The following NOX4 variants were observed in gnomAD, a reference collection of about 807,000 sequenced individuals.
NOX4 encodes NADPH oxidase 4, also known as kidney oxidase-1.
NOX4 carries 69 observed loss-of-function variants against 87.6 expected under a neutral mutation model. The ratio of observed to expected loss-of-function variants is 0.79; its 90% confidence interval spans 0.65 to 0.96. The LOEUF (loss-of-function observed/expected upper bound fraction) is 0.96, where lower values mean the gene tolerates loss of function less well. Among genes scored for constraint, NOX4 ranks in the 40% least tolerant of loss-of-function variants. The pLI is 0.00. For synonymous variants in NOX4, 275 were observed against 238.2 expected (o/e 1.15, Z -1.42); for missense variants, 680 against 681.5 (o/e 1.00, Z 0.02).
intron 11 of NOX4, among the ~76,000 whole-genome samples, chr11:89,374,203 C>A (rs1939666893): frequency 6.6e-6 from 1 of 152,006 alleles, no homozygotes; most frequent in South Asian, 2.1e-4. Flanking sequence ...CCCTCGATTC[C>A]AAAATTTGAA....
chr11:89,339,926 C>T (rs1346927468), intron 15 of NOX4, 137 bp downstream of exon 15: 1 of 479,614 alleles, frequency 2.1e-6, no homozygotes, highest in East Asian at 3.5e-5. Flanking sequence ...GTTTAAGAGA[C>T]TTATTTCTTT....
chr11:89,362,918 T>C (rs897161199), intron 12 of NOX4, among the ~76,000 whole-genome samples: 1 of 152,110 alleles, frequency 6.6e-6, no homozygotes, highest in Non-Finnish European at 1.5e-5. Flanking sequence ...TGTGAACACC[T>C]AAAATAAGTA....
At chr11:89,350,070 CTG>C (rs1442125980) in intron 13 of NOX4, among the ~76,000 whole-genome samples, 1 of 152,140 alleles carries the variant, frequency 6.6e-6, no homozygotes, top group East Asian at 1.9e-4. Flanking sequence ...TTCCACTCAT[CTG>C]TCTCTTTCTG....
intron 8 of NOX4, among the ~76,000 whole-genome samples, chr11:89,413,123 C>T (rs894920530): frequency 7.2e-5 from 11 of 152,002 alleles, no homozygotes; most frequent in Admixed American, 2.0e-4. Context: ...AACTACAATG[C>T]GATATTATCT....
intron 8 of NOX4, among the ~76,000 whole-genome samples, chr11:89,415,742 G>A (rs1942732149): frequency 6.6e-6 from 1 of 151,970 alleles, no homozygotes; most frequent in East Asian, 1.9e-4. Context: ...AGAAGTAATG[G>A]GCACCAAACT....
chr11:89,551,028 T>G, the NOX4 span, among the ~76,000 whole-genome samples: 6 of 152,312 alleles, frequency 3.9e-5, no homozygotes, highest in African/African-American at 1.4e-4. Context: ...CAAAGTCATT[T>G]ATTAAATAGG....
the NOX4 span, among the ~76,000 whole-genome samples, chr11:89,525,899 G>A: frequency 6.6e-5 from 10 of 151,960 alleles, no homozygotes; most frequent in African/African-American, 2.4e-4. Context: ...TATTGTATGA[G>A]GTCAAGATTG....
At chr11:89,533,394 A>G in the NOX4 span, among the ~76,000 whole-genome samples, 2 of 152,186 alleles carry the variant, frequency 1.3e-5, no homozygotes, top group African/African-American at 4.8e-5. Context: ...TTCACAGTCT[A>G]GTGGGAGAAA....
chr11:89,509,033 A>T, the NOX4 span, among the ~76,000 whole-genome samples: 1 of 151,492 alleles, frequency 6.6e-6, no homozygotes, highest in Non-Finnish European at 1.5e-5. Flanking sequence ...CTTTATGAAC[A>T]TATGACTCTT....
chr11:89,426,588 C>T (rs1411187460), intron 7 of NOX4, among the ~76,000 whole-genome samples: 1 of 152,150 alleles, frequency 6.6e-6, no homozygotes, highest in Non-Finnish European at 1.5e-5. Context: ...CCACGCATGT[C>T]TCAGAGGGTC....
chr11:89,433,382 GTACT>G (rs1370458868), intron 6 of NOX4, among the ~76,000 whole-genome samples: 3 of 151,784 alleles, frequency 2.0e-5, no homozygotes, highest in African/African-American at 7.3e-5. Flanking sequence ...TGGCAAATAG[GTACT>G]TACTTCTAAA....
In NOX4 at chr11:89,440,720, G is replaced by T; in HGVS notation, c.448-5C>A. On this transcript the variant is annotated splice_region_variant and splice_polypyrimidine_tract_variant and intron_variant, in intron 5 of 17. Coordinates refer to ENST00000263317, the MANE Select transcript of NOX4 (RefSeq NM_016931.5). Reference sequence around the variant, plus strand: ...GAAGAGAAGTTTTCTAGGATCCTGAGAAAAAGAAAAAAAAATAAATGATTA... The same window carrying T: ...GAAGAGAAGTTTTCTAGGATCCTGATAAAAAGAAAAAAAAATAAATGATTA... 6.7e-7 allele frequency: 1 copy of T among 1,486,392 alleles called. No homozygotes were observed. Among genetic ancestry groups the T allele is most frequent in the South Asian group, 1.2e-5 (1 of 81,288 alleles). 92.1% of individuals were successfully genotyped at this position (1,486,392 alleles called of 1,614,324 possible).
chr11:89,397,225 A>G (rs920296660), intron 11 of NOX4, among the ~76,000 whole-genome samples: 1 of 152,216 alleles, frequency 6.6e-6, no homozygotes, highest in Non-Finnish European at 1.5e-5. Flanking sequence ...ACTACTGGGT[A>G]AATAATGAAA....
At chr11:89,459,645 C>T (rs1443295375) in intron 2 of NOX4, among the ~76,000 whole-genome samples, 1 of 151,826 alleles carries the variant, frequency 6.6e-6, no homozygotes, top group African/African-American at 2.4e-5. Flanking sequence ...AACCACTGCT[C>T]AATGAAATAA....
chr11:89,342,042 T>C (rs1590967245), intron 14 of NOX4, 32 bp downstream of exon 14: 2 of 1,562,866 alleles, frequency 1.3e-6, no homozygotes, highest in Non-Finnish European at 1.7e-6. Context: ...AGTTCTCTAT[T>C]TGGATTAACA....
In NOX4 at chr11:89,403,896, C is replaced by T. The variant is rs374020175; in HGVS notation, c.630-1354G>A. On this transcript the variant is annotated intron_variant, in intron 8 of 17. Coordinates refer to ENST00000263317, the MANE Select transcript of NOX4 (RefSeq NM_016931.5). ...ATTCACCATCTCCTCATCCTGATCA[C>T]TTTCCTTTCTTCCCTCTTTGCTTAT... Among the ~76,000 whole-genome samples the T allele has an allele frequency of 5.1e-4, 77 of 152,256 alleles. 2 individuals carry two copies. In the South Asian group the frequency reaches 0.015, roughly 30 times the overall value.
At chr11:89,472,710 C>T (rs75006022) in intron 2 of NOX4, among the ~76,000 whole-genome samples, 3 of 152,124 alleles carry the variant, frequency 2.0e-5, no homozygotes, top group Admixed American at 6.6e-5. Context: ...CTTTCCAGTG[C>T]CAAAAGCACA....
At chr11:89,437,500 G>T (rs1321627664) in intron 6 of NOX4, among the ~76,000 whole-genome samples, 3 of 152,148 alleles carry the variant, frequency 2.0e-5, no homozygotes, top group African/African-American at 4.8e-5. Context: ...CTGTGTCTGA[G>T]CCCAGTTCCA....
chr11:89,583,667 C>T, the NOX4 span, among the ~76,000 whole-genome samples: 2 of 152,050 alleles, frequency 1.3e-5, no homozygotes, highest in Admixed American at 1.3e-4. Flanking sequence ...GACTTTCCCA[C>T]CTAGCAATGG....
Sources: allele counts gnomAD v4.1 joint callset (sites outside exome capture counted in the v4.1 genomes callset), GRCh38; gene constraint gnomAD v4.1.1; transcripts MANE v1.5; gene names NCBI Gene and HGNC (gene_info 2026-07-23, HGNC 2026-07-21).